The following FAM20A variants were observed in gnomAD, a reference collection of about 807,000 sequenced individuals.
FAM20A encodes FAM20A golgi associated secretory pathway pseudokinase, also known as pseudokinase FAM20A.
Under a neutral mutation model 52.0 loss-of-function variants are expected in FAM20A, and 42 were observed. That is an observed-to-expected ratio of 0.81 (90% CI 0.63 to 1.04). FAM20A has a LOEUF of 1.04. Among genes scored for constraint, FAM20A ranks in the 50% least tolerant of loss-of-function variants. FAM20A has a pLI of 0.00. For synonymous variants in FAM20A, 304 were observed against 298.9 expected (o/e 1.02, Z -0.18); for missense variants, 742 against 712.7 (o/e 1.04, Z -0.47).
At position 68,563,381 on chromosome 17, in the gene FAM20A, C is replaced by T. The variant is rs1299943478; in HGVS notation, c.405-7638G>A. On this transcript the variant is annotated intron_variant, in intron 1 of 10. Transcript: ENST00000592554. ...AGCCGAGGCAACAAGAGTGAGACTC[C>T]GTCTCAAAAAAAAAAAAAAAAAAAG... 1.3e-4 allele frequency among the ~76,000 whole-genome samples: 9 copies of T among 71,438 alleles called. No individual in the cohort carries two copies. In the East Asian group the frequency reaches 1.4e-3, roughly 11 times the overall value. The allele number at this position is 71,438 out of a possible 152,430, so 46.9% of individuals were successfully genotyped here.
In FAM20A at chr17:68,600,982, C is replaced by A; in HGVS notation, c.-316G>T. ...TCCCGTGCGCCCGCCCGCCCGGACG[C>A]TCGCGGCAGGTGAAGGGCCCCGGGG... On this transcript the variant is annotated 5_prime_UTR_variant, in exon 1 of 11. Coordinates refer to ENST00000592554, the MANE Select transcript of FAM20A (RefSeq NM_017565.4). This position sits in a 1 kb window ranked among gnomAD's most constrained non-coding sequence, Gnocchi z 6.2. 1 of 217,228 alleles carries A rather than the reference C, an allele frequency of 4.6e-6. No individual in the cohort carries two copies. The highest frequency in any genetic ancestry group is 9.0e-6 in the Non-Finnish European group (1 of 111,474). The allele number at this position is 217,228 out of a possible 1,614,324, so 13.5% of individuals were successfully genotyped here.
In FAM20A at chr17:68,581,418, T is replaced by TTTCTTTCTTTCTTTC. The variant is rs1386005874; in HGVS notation, c.404+18844_404+18845insGAAAGAAAGAAAGAA. Among the ~76,000 whole-genome samples, 41 of 52,084 alleles carry TTTCTTTCTTTCTTTC rather than the reference T, an allele frequency of 7.9e-4. 1 individual carries two copies. Among genetic ancestry groups the TTTCTTTCTTTCTTTC allele is most frequent in the African/African-American group, 2.3e-3 (29 of 12,434 alleles). The allele number at this position is 52,084 out of a possible 152,430, so 34.2% of individuals were successfully genotyped here. ...TCTTTCTTTCTTTCTTTCTTTCTTT[T>TTTCTTTCTTTCTTTC]TCTCTTTTCTTTCTTTCTTTTCTTT... On this transcript the variant is annotated intron_variant, in intron 1 of 10. Coordinates refer to ENST00000592554, the MANE Select transcript of FAM20A (RefSeq NM_017565.4).
In FAM20A at chr17:68,542,955, G is replaced by A. The variant is rs545653294; in HGVS notation, c.813-146C>T. ...GGCGTGACTCTGCACTGTTGAGCTGGTAGTGCCCAGGTCAACACTGGGCCT... is the reference window on the plus strand; with the variant it reads ...GGCGTGACTCTGCACTGTTGAGCTGATAGTGCCCAGGTCAACACTGGGCCT... On this transcript the variant is annotated intron_variant, in intron 5 of 10. Transcript: ENST00000592554. The A allele has an allele frequency of 1.7e-5, 12 of 706,502 alleles. No individual in the cohort carries two copies. The South Asian group carries it at 1.7e-4, about 10-fold the overall frequency. The allele number at this position is 706,502 out of a possible 1,614,324, so 43.8% of individuals were successfully genotyped here. A position where few individuals can be genotyped will look rare whatever the true frequency, so the allele number is the denominator to read the frequency against.
At chr17:68,582,112 C>G (rs995299594) in intron 1 of FAM20A, among the ~76,000 whole-genome samples, 2 of 152,144 alleles carry the variant, frequency 1.3e-5, no homozygotes, top group Non-Finnish European at 2.9e-5. Flanking sequence ...AGAGATTAGC[C>G]TGTTTAACCA....
At chr17:68,541,037 C>T in intron 7 of FAM20A, 79 bp from the exon 8 acceptor site, 3 of 1,543,682 alleles carry the variant, frequency 1.9e-6, no homozygotes, top group East Asian at 2.5e-5. Flanking sequence ...CTCCCCCTGC[C>T]CCCCCAATCC....
chr17:68,539,987 T>C, intron 8 of FAM20A, 21 bp from the exon 9 acceptor site: 1 of 1,611,966 alleles, frequency 6.2e-7, no homozygotes, highest in Non-Finnish European at 8.5e-7. Context: ...GGGGAGGACT[T>C]AGCTGGAACC....
At chr17:68,559,940 C>G (rs1036312651) in intron 1 of FAM20A, among the ~76,000 whole-genome samples, 2 of 152,154 alleles carry the variant, frequency 1.3e-5, no homozygotes, top group Non-Finnish European at 2.9e-5. Flanking sequence ...GTATGAAAAT[C>G]ACATCATTAA....
chr17:68,572,012 A>T lies in FAM20A; in HGVS notation c.405-16269T>A, dbSNP rs1164906749. On this transcript the variant is annotated intron_variant, in intron 1 of 10. Transcript: ENST00000592554. The stretch of plus-strand genomic sequence containing the variant: ...CATATATATATATATATATATATAT[A>T]TATATATATATATATATATATATAT... 9.1e-5 allele frequency among the ~76,000 whole-genome samples: 9 copies of T among 98,504 alleles called. 1 individual carries two copies. Among genetic ancestry groups the T allele is most frequent in the South Asian group, 3.3e-4 (1 of 3,074 alleles). 64.6% of individuals were successfully genotyped at this position (98,504 alleles called of 152,430 possible).
Position 68,537,850 on chromosome 17 carries a change from C to T in FAM20A, c.1362-109G>A. The T allele has an allele frequency of 8.1e-7, 1 of 1,240,048 alleles. No homozygotes were observed. Among genetic ancestry groups the T allele is most frequent in the Non-Finnish European group, 1.1e-6 (1 of 875,556 alleles). The allele number at this position is 1,240,048 out of a possible 1,614,324, so 76.8% of individuals were successfully genotyped here. A position where few individuals can be genotyped will look rare whatever the true frequency, so the allele number is the denominator to read the frequency against. The stretch of plus-strand genomic sequence containing the variant: ...TGTAGCTGATACTCTTGGCGCCTCT[C>T]CTTGTGTCTTCTCAGGCACATTTTA... On this transcript the variant is annotated intron_variant, in intron 10 of 10. Transcript: ENST00000592554. This position sits in a 1 kb window ranked among gnomAD's most constrained non-coding sequence, Gnocchi z 4.2.
Position 68,536,145 on chromosome 17 carries a change from G to T in FAM20A, c.*1332C>A, listed in dbSNP as rs997160180. On this transcript the variant is annotated 3_prime_UTR_variant, in exon 11 of 11. Coordinates refer to ENST00000592554, the MANE Select transcript of FAM20A (RefSeq NM_017565.4). ...TACCACGGGGTCAGAAGTGTTATTT[G>T]TCCAGTCGAGGCTATCTTTGCTCAC... 6 of 453,990 alleles carry T rather than the reference G, an allele frequency of 1.3e-5. No homozygotes were observed. The highest frequency in any genetic ancestry group is 4.7e-5 in the South Asian group (3 of 64,482). The allele number at this position is 453,990 out of a possible 1,614,324, so 28.1% of individuals were successfully genotyped here.
At chr17:68,575,380 T>TAC (rs2087697681) in intron 1 of FAM20A, among the ~76,000 whole-genome samples, 1 of 121,192 alleles carries the variant, frequency 8.3e-6, no homozygotes, top group Non-Finnish European at 1.8e-5. Flanking sequence ...CACTTTACTT[T>TAC]ACATATATAT....
chr17:68,583,885 CA>C lies in FAM20A; in HGVS notation c.404+16377del, dbSNP rs1227500424. 2.0e-5 allele frequency among the ~76,000 whole-genome samples: 3 copies of C among 151,000 alleles called. No individual in the cohort carries two copies. In the East Asian group the frequency reaches 5.9e-4, roughly 30 times the overall value. The stretch of plus-strand genomic sequence containing the variant: ...TGGGTGACAGAGTGAGACTCCATCT[CA>C]AAAAAAAGATGATAGTCACAGGTTC... On this transcript the variant is annotated intron_variant, in intron 1 of 10. Transcript: ENST00000592554.
intron 1 of FAM20A, among the ~76,000 whole-genome samples, chr17:68,580,594 C>G (rs1248273287): frequency 6.6e-6 from 1 of 152,170 alleles, no homozygotes; most frequent in African/African-American, 2.4e-5. Context: ...GGAGTGGCCC[C>G]GAACTGGAAG....
At chr17:68,588,210 C>G (rs750216228) in intron 1 of FAM20A, among the ~76,000 whole-genome samples, 1 of 151,996 alleles carries the variant, frequency 6.6e-6, no homozygotes, top group Non-Finnish European at 1.5e-5. Context: ...AAATGATGAA[C>G]TAGATATTTT....
intron 1 of FAM20A, among the ~76,000 whole-genome samples, chr17:68,583,192 G>A (rs2088062963): frequency 6.6e-6 from 1 of 152,086 alleles, no homozygotes; most frequent in South Asian, 2.1e-4. Context: ...AGATACCTGG[G>A]TTACAATGAT....
At chr17:68,582,381 G>C (rs1013888389) in intron 1 of FAM20A, 1 of 152,122 alleles carries the variant, frequency 6.6e-6, no homozygotes, top group Non-Finnish European at 1.5e-5. Flanking sequence ...TTTCTCTCTC[G>C]CTAGAAGCAT....
Position 68,555,737 on chromosome 17 carries a change from G to C in FAM20A, c.411C>G (p.His137Gln). The C allele has an allele frequency of 6.2e-7, 1 of 1,614,052 alleles. No individual in the cohort carries two copies. The highest frequency in any genetic ancestry group is 8.5e-7 in the Non-Finnish European group (1 of 1,180,038). ...RRKVARWNRR[H>Q]KMYREQMNLT... ...GGTTCATCTGCTCTCTGTACATCTT[G>C]TGTCGCCTGAAAGAGCCAGATAGTT... Residue 137 changes from histidine (H) to glutamine (Q), a missense_variant, in exon 2 of 11, where the codon CAC (histidine) becomes CAG (glutamine). Transcript: ENST00000592554.
In FAM20A at chr17:68,536,607, C is replaced by T. The variant is rs1203376364; in HGVS notation, c.*870G>A. On this transcript the variant is annotated 3_prime_UTR_variant, in exon 11 of 11. Coordinates refer to ENST00000592554, the MANE Select transcript of FAM20A (RefSeq NM_017565.4). ...TTTTGGGGATGGGCCGGGGACAATC[C>T]TGGGGTCTTAGGGAAGAAGATTGTG... 4.4e-6 allele frequency: 2 copies of T among 452,816 alleles called. No individual in the cohort carries two copies. Among genetic ancestry groups the T allele is most frequent in the African/African-American group, 4.0e-5 (2 of 49,812 alleles). 28.0% of individuals were successfully genotyped at this position (452,816 alleles called of 1,614,324 possible).
Position 68,600,274 on chromosome 17 carries a change from G to C in FAM20A, c.393C>G (p.Ala131=). ...EALRYYRRKV[A]RWNRRHKMYR... ...GGCGGGGTCCTCACCTGTTCCAGCG[G>C]GCCACCTTCCTCCGGTAATACCGCA... Residue 131 remains alanine (A), a synonymous_variant, in exon 1 of 11, where the codon GCC becomes GCG. Coordinates refer to ENST00000592554, the MANE Select transcript of FAM20A (RefSeq NM_017565.4). The surrounding 1 kb of genome is among the most constrained non-coding windows in gnomAD (Gnocchi z 6.2). 6.4e-7 allele frequency: 1 copy of C among 1,567,348 alleles called. No homozygotes were observed. The highest frequency in any genetic ancestry group is 8.6e-7 in the Non-Finnish European group (1 of 1,156,706).
Sources: allele counts gnomAD v4.1 joint callset (sites outside exome capture counted in the v4.1 genomes callset), GRCh38; gene constraint gnomAD v4.1.1; non-coding constraint Gnocchi (gnomAD v3.1); transcripts MANE v1.5; gene names NCBI Gene and HGNC (gene_info 2026-07-23, HGNC 2026-07-21).